Variants in RBFOX1 observed in about 807,000 individuals in gnomAD.
The protein encoded by RBFOX1 is RNA binding protein fox-1 homolog 1.
A neutral mutation model predicts 57.7 loss-of-function variants in RBFOX1; 8 were observed. The observed-to-expected ratio is 0.14, with a 90% CI of 0.08 to 0.25. RBFOX1 has a LOEUF of 0.25. Among genes scored for constraint, RBFOX1 ranks in the 10% least tolerant of loss-of-function variants. The pLI, the probability that RBFOX1 is intolerant of heterozygous loss-of-function variation, is 1.00. For missense variants in RBFOX1, 611 were observed against 548.5 expected (o/e 1.11, Z -1.14); for synonymous variants, 326 against 222.4 (o/e 1.47, Z -4.15).
At chr16:7,446,837 GTGTC>G (rs2098812407) in intron 4 of RBFOX1, among the ~76,000 whole-genome samples, 2 of 101,328 alleles carry the variant, frequency 2.0e-5, no homozygotes, top group Admixed American at 1.6e-4. Context: ...TTTTGAGACA[GTGTC>G]TCACTCTGTC....
At chr16:6,635,573 A>C (rs1197034348) in intron 2 of RBFOX1, among the ~76,000 whole-genome samples, 1 of 152,124 alleles carries the variant, frequency 6.6e-6, no homozygotes, top group East Asian at 1.9e-4. Context: ...GGTATCAATA[A>C]AAAGGTTGAC....
intron 2 of RBFOX1, among the ~76,000 whole-genome samples, chr16:5,511,919 G>A (rs2043607019): frequency 6.6e-6 from 1 of 152,204 alleles, no homozygotes; most frequent in Non-Finnish European, 1.5e-5. Context: ...TAAAGCTTAT[G>A]AGTCTATTAA....
At chr16:5,426,134 A>T (rs1293842061) in intron 1 of RBFOX1, among the ~76,000 whole-genome samples, 1 of 152,156 alleles carries the variant, frequency 6.6e-6, no homozygotes. Context: ...TTTTCCCTAA[A>T]GTGAGTCCAT....
downstream of RBFOX1, among the ~76,000 whole-genome samples, chr16:5,601,920 C>G (rs2047378105): frequency 2.0e-5 from 3 of 152,216 alleles, no homozygotes; most frequent in Admixed American, 2.0e-4. Flanking sequence ...TCCTGGCCCC[C>G]AACCTCACTC....
At chr16:7,327,848 C>T (rs1184426622) in intron 4 of RBFOX1, among the ~76,000 whole-genome samples, 1 of 151,702 alleles carries the variant, frequency 6.6e-6, no homozygotes, top group Non-Finnish European at 1.5e-5. Flanking sequence ...AAATCATTAT[C>T]ATGATCATCA....
At chr16:7,271,424 G>T (rs577574996) in intron 4 of RBFOX1, among the ~76,000 whole-genome samples, 5 of 151,838 alleles carry the variant, frequency 3.3e-5, no homozygotes, top group Non-Finnish European at 7.4e-5. Context: ...ATCCTTTAAA[G>T]TTTCAATGAT....
intron 4 of RBFOX1, among the ~76,000 whole-genome samples, chr16:7,265,956 GGGTTTTT>G (rs2095113225): frequency 7.2e-6 from 1 of 138,072 alleles, no homozygotes; most frequent in Non-Finnish European, 1.5e-5. Flanking sequence ...GAGATCTGGT[GGGTTTTT>G]GTTTTTTTTT....
chr16:7,674,371 CTTTCAAGA>C, intron 13 of RBFOX1, among the ~76,000 whole-genome samples: 1 of 152,258 alleles, frequency 6.6e-6, no homozygotes, highest in South Asian at 2.1e-4. Flanking sequence ...CACTAGTTAC[CTTTCAAGA>C]GTTCAATAGT....
At chr16:6,430,538 T>C (rs995704533) in intron 2 of RBFOX1, among the ~76,000 whole-genome samples, 9 of 152,006 alleles carry the variant, frequency 5.9e-5, no homozygotes, top group African/African-American at 2.2e-4. Context: ...GACGGATGGA[T>C]GGAATGACAC....
chr16:6,817,696 C>A (rs368680908), intron 3 of RBFOX1, among the ~76,000 whole-genome samples: 1 of 151,676 alleles, frequency 6.6e-6, no homozygotes, highest in Non-Finnish European at 1.5e-5. Context: ...GAGCCAAACT[C>A]TGTCTCAAAG....
At chr16:5,799,768 C>T (rs1187010421) in intron 3 of RBFOX1, among the ~76,000 whole-genome samples, 1 of 152,068 alleles carries the variant, frequency 6.6e-6, no homozygotes, top group East Asian at 1.9e-4. Flanking sequence ...TGGGATGTTA[C>T]CCCATTGTAA....
In RBFOX1 at chr16:5,377,631, C is replaced by T. The variant is rs149465104; in HGVS notation, c.220-89585C>T. On this transcript the variant is annotated intron_variant, in intron 1 of 2. Coordinates refer to the RBFOX1 transcript ENST00000585867. ...AAGAGAGAGACAGAGAGAGAGAGAA[C>T]GAGAATGAGAATGAGAGAAGGCGGA... Among the ~76,000 whole-genome samples, 12 of 150,464 alleles carry T rather than the reference C, an allele frequency of 8.0e-5. No homozygotes were observed. The East Asian group carries it at 1.2e-3, about 15-fold the overall frequency.
intron 1 of RBFOX1, among the ~76,000 whole-genome samples, chr16:5,463,285 C>T (rs979136005): frequency 6.6e-6 from 1 of 152,058 alleles, no homozygotes; most frequent in African/African-American, 2.4e-5. Context: ...ATCACACATA[C>T]TGAAAATGGA....
intron 2 of RBFOX1, among the ~76,000 whole-genome samples, chr16:6,506,334 A>G (rs1340342750): frequency 6.6e-6 from 1 of 152,094 alleles, no homozygotes; most frequent in African/African-American, 2.4e-5. Context: ...GGGAAGAGCC[A>G]GACACTCAGA....
intron 4 of RBFOX1, among the ~76,000 whole-genome samples, chr16:5,922,472 A>G (rs566744266): frequency 3.0e-4 from 46 of 152,278 alleles, no homozygotes; most frequent in African/African-American, 1.1e-3. Flanking sequence ...CAAGGCTAAC[A>G]CACTGGAAGT....
In RBFOX1 at chr16:5,658,754, A is replaced by G. The variant is rs1409123152; in HGVS notation, c.318+59793A>G. Among the ~76,000 whole-genome samples the G allele has an allele frequency of 3.4e-5, 5 of 146,396 alleles. No individual in the cohort carries two copies. The East Asian group carries it at 1.0e-3, about 30-fold the overall frequency. The stretch of plus-strand genomic sequence containing the variant: ...CATATATATAAATGTGTATATATAT[A>G]TATATGTGTATGTATATATGTATAT... On this transcript the variant is annotated intron_variant, in intron 3 of 19. Coordinates refer to the RBFOX1 transcript ENST00000641259.
At chr16:5,476,490 C>T (rs1019516990) in intron 2 of RBFOX1, among the ~76,000 whole-genome samples, 21 of 152,120 alleles carry the variant, frequency 1.4e-4, no homozygotes, top group South Asian at 1.2e-3. Context: ...ATTACTCATT[C>T]ATGTAGTGGT....
At position 6,844,964 on chromosome 16, in the gene RBFOX1, T is replaced by C. The variant is rs148095121; in HGVS notation, c.-16+190314T>C. On this transcript the variant is annotated intron_variant, in intron 3 of 15. Transcript: ENST00000550418. The stretch of plus-strand genomic sequence containing the variant: ...TACTAAGCTTTTTTCCTATGTTTGT[T>C]GGCCGCATGTATGTCTTCTTTTGAG... 8.3e-3 allele frequency among the ~76,000 whole-genome samples: 1,270 copies of C among 152,326 alleles called. 26 individuals carry two copies. Among genetic ancestry groups the C allele is most frequent in the African/African-American group, 0.029 (1,203 of 41,578 alleles).
chr16:6,685,043 G>A (rs1020217985), intron 3 of RBFOX1, among the ~76,000 whole-genome samples: 3 of 152,126 alleles, frequency 2.0e-5, no homozygotes, highest in Non-Finnish European at 4.4e-5. Context: ...TAAGGCTGCA[G>A]GATGACTGAA....
Sources: gnomAD v4.1 joint callset for allele counts (sites outside exome capture counted in the v4.1 genomes callset) on GRCh38, gnomAD v4.1.1 for gene constraint, MANE v1.5 for transcripts, NCBI Gene and HGNC (gene_info 2026-07-23, HGNC 2026-07-21) for gene names.